WDR44: variants seen among roughly 807,000 people sequenced by gnomAD.
WDR44 encodes the protein WD repeat-containing protein 44.
WDR44 carries 9 observed loss-of-function variants against 65.7 expected under a neutral mutation model. That is an observed-to-expected ratio of 0.14 (90% CI 0.08 to 0.24). WDR44 has a LOEUF of 0.24. Among genes scored for constraint, WDR44 ranks in the 10% least tolerant of loss-of-function variants. The pLI, the probability that WDR44 is intolerant of heterozygous loss-of-function variation, is 1.00. For missense variants in WDR44, 425 were observed against 670.9 expected, an observed-to-expected ratio of 0.63 and a Z score of 4.05; for synonymous variants, 220 against 235.2, an observed-to-expected ratio of 0.94 and a Z score of 0.59.
At position 118,346,550 on chromosome X, in the gene WDR44, A is replaced by T. The variant is rs1321947190; in HGVS notation, c.47A>T (p.Asp16Val). The change falls in exon 1 of 20, where the codon GAT becomes GTT. Residue 16 changes from aspartate (D) to valine (V), a missense_variant. Transcript: ENST00000254029. The part of the protein sequence containing the change: ...DTEEFYDAPE[D>V]VHLGGGYPVG... ...GAGGAATTCTATGATGCCCCTGAAG[A>T]TGTGCACCTAGGGGGCGGCTACCCC... The T allele has an allele frequency of 8.3e-7, 1 of 1,199,805 alleles. No individual in the cohort carries two copies. Among genetic ancestry groups the T allele is most frequent in the South Asian group, 1.8e-5 (1 of 55,945 alleles).
chrX:118,364,925 A>G (rs2056540696), intron 1 of WDR44, among the ~76,000 whole-genome samples: 1 of 112,331 alleles, frequency 8.9e-6, no homozygotes, highest in East Asian at 2.8e-4. Flanking sequence ...ACATTTGAAA[A>G]CAACTACTTT....
At chrX:118,366,205 CGT>C (rs988966052) in intron 1 of WDR44, among the ~76,000 whole-genome samples, 1 of 111,813 alleles carries the variant, frequency 8.9e-6, no homozygotes, top group African/African-American at 3.2e-5. Context: ...ATTATAATAA[CGT>C]ATACTTATCC....
rs1182477305 is a variant in WDR44 at position 118,410,958 on chromosome X, G to C, written c.1736G>C (p.Gly579Ala). The C allele has an allele frequency of 8.5e-7, 1 of 1,181,447 alleles. No homozygotes were observed. The highest frequency in any genetic ancestry group is 1.1e-6 in the Non-Finnish European group (1 of 880,520). ...LSSSKSDTDTGVCSGTDEDPD... is the reference protein window; with the variant it reads ...LSSSKSDTDTAVCSGTDEDPD... ...TCATCAAAATCGGATACAGATACAG[G>C]GGTATGCTTATTGTTTTATGGTTAC... is the stretch of plus-strand genomic sequence containing the variant. The change falls in exon 12 of 20, where the codon GGG becomes GCG. Residue 579 changes from glycine (G) to alanine (A), a missense_variant and splice_region_variant. Gly to Ala is a moderately conservative substitution (Grantham distance 60). Transcript: ENST00000254029.
intron 1 of WDR44, among the ~76,000 whole-genome samples, chrX:118,370,036 A>G (rs2056600790): frequency 8.9e-6 from 1 of 112,030 alleles, no homozygotes; most frequent in Non-Finnish European, 1.9e-5. Flanking sequence ...CACTGTCTTC[A>G]ATTTCAGAAA....
chrX:118,357,051 T>C (rs1326340112), intron 1 of WDR44, among the ~76,000 whole-genome samples: 1 of 109,648 alleles, frequency 9.1e-6, no homozygotes, highest in African/African-American at 3.3e-5. Flanking sequence ...CGGGATGGTC[T>C]CAATCTCTTG....
chrX:118,435,445 A>ATT (rs57562182), intron 13 of WDR44, among the ~76,000 whole-genome samples: 6 of 107,205 alleles, frequency 5.6e-5, no homozygotes, highest in African/African-American at 1.7e-4. Context: ...CGCCCAGCTA[A>ATT]TTTTTTTTTT....
In WDR44 at chrX:118,440,852, A is replaced by G. The variant is rs752769403; in HGVS notation, c.1975-516A>G. 4.3e-3 allele frequency among the ~76,000 whole-genome samples: 453 copies of G among 104,570 alleles called. 1 individual carries two copies. Among genetic ancestry groups the G allele is most frequent in the South Asian group, 0.018 (43 of 2,441 alleles). The allele number at this position is 104,570 out of a possible 115,157, so 90.8% of individuals were successfully genotyped here. On this transcript the variant is annotated intron_variant, in intron 14 of 19. Coordinates refer to ENST00000254029, the MANE Select transcript of WDR44 (RefSeq NM_019045.5). ...TTAAGGATATGATAATTAGAATTTT[A>G]TTTCTCCAAAGTGAATAGTGAGGTT...
chrX:118,416,477 A>G lies in WDR44; in HGVS notation c.1737+5518A>G, dbSNP rs1052501939. ...TTCAGGAGCAGGTTATTTTATTTCCATGTATTTGCACGGTTTCGAAGGTTC... is the reference window on the plus strand; with the variant it reads ...TTCAGGAGCAGGTTATTTTATTTCCGTGTATTTGCACGGTTTCGAAGGTTC... On this transcript the variant is annotated intron_variant, in intron 12 of 19. Coordinates refer to ENST00000254029, the MANE Select transcript of WDR44 (RefSeq NM_019045.5). Among the ~76,000 whole-genome samples the G allele has an allele frequency of 5.4e-5, 6 of 111,557 alleles. No individual in the cohort carries two copies. The South Asian group carries it at 1.9e-3, about 35-fold the overall frequency.
chrX:118,357,329 T>C (rs938218045), intron 1 of WDR44, among the ~76,000 whole-genome samples: 1 of 111,943 alleles, frequency 8.9e-6, no homozygotes, highest in African/African-American at 3.2e-5. Flanking sequence ...CAGTCATTAG[T>C]TTACCATCAA....
intron 3 of WDR44, 130 bp from the exon 4 acceptor site, chrX:118,392,502 T>G (rs2056828516): frequency 1.8e-6 from 1 of 543,666 alleles, no homozygotes; most frequent in East Asian, 3.5e-5. Flanking sequence ...AAGGTTGTTG[T>G]AAAGATTAAA....
At position 118,379,148 on chromosome X, in the gene WDR44, C is replaced by A. The variant is rs7057605; in HGVS notation, c.111+696C>A. On this transcript the variant is annotated intron_variant, in intron 2 of 19. Coordinates refer to ENST00000254029, the MANE Select transcript of WDR44 (RefSeq NM_019045.5). ...ATGTACCATCACTATATATAAAAAT[C>A]AATCCCAGCTTATATTCAGGCAGAG... Among the ~76,000 whole-genome samples, 249 of 110,805 alleles carry A rather than the reference C, an allele frequency of 2.2e-3. 1 individual carries two copies. The highest frequency in any genetic ancestry group is 8.0e-3 in the African/African-American group (245 of 30,554).
intron 12 of WDR44, among the ~76,000 whole-genome samples, chrX:118,432,261 T>G (rs1240946864): frequency 1.8e-5 from 2 of 111,635 alleles, no homozygotes; most frequent in African/African-American, 6.5e-5. Flanking sequence ...TGCTACAGTC[T>G]TAGTTGTCAC....
rs2056731801 is a variant in WDR44, at chrX:118,382,816, A to G, written c.111+4364A>G. Among the ~76,000 whole-genome samples the G allele has an allele frequency of 2.7e-5, 3 of 112,229 alleles. No homozygotes were observed. In the Admixed American group the frequency reaches 2.8e-4, roughly 11 times the overall value. On this transcript the variant is annotated intron_variant, in intron 2 of 19. Coordinates refer to ENST00000254029, the MANE Select transcript of WDR44 (RefSeq NM_019045.5). ...CCTTTTAAGGAAGCAAATTTTTGAT[A>G]CCATGATAGATAGGAGTTAGAGAAA...
At chrX:118,393,767 TTACTG>T (rs757641441) in intron 4 of WDR44, among the ~76,000 whole-genome samples, 8 of 112,122 alleles carry the variant, frequency 7.1e-5, no homozygotes, top group Admixed American at 1.9e-4. Flanking sequence ...GAAAATTACT[TTACTG>T]TAATTGAACA....
chrX:118,384,122 C>T (rs933659930), intron 2 of WDR44, among the ~76,000 whole-genome samples: 5 of 109,399 alleles, frequency 4.6e-5, no homozygotes, highest in South Asian at 3.9e-4. Flanking sequence ...AGCCTGTGCC[C>T]GGCCTTCTTT....
At chrX:118,400,939 G>C (rs979629538) in intron 8 of WDR44, among the ~76,000 whole-genome samples, 7 of 91,991 alleles carry the variant, frequency 7.6e-5, no homozygotes, top group Non-Finnish European at 1.1e-4. Context: ...TTGTTCTTGC[G>C]ATAGTTTACT....
At chrX:118,364,644 A>C (rs1569357920) in intron 1 of WDR44, among the ~76,000 whole-genome samples, 1 of 112,228 alleles carries the variant, frequency 8.9e-6, no homozygotes. Flanking sequence ...AGACTCAACT[A>C]ATACAGCTCC....
At chrX:118,432,082 A>G in intron 12 of WDR44, among the ~76,000 whole-genome samples, 1 of 112,154 alleles carries the variant, frequency 8.9e-6, no homozygotes, top group Non-Finnish European at 1.9e-5. Context: ...GACTTCAAAT[A>G]ACAGAAATCC....
intron 1 of WDR44, among the ~76,000 whole-genome samples, chrX:118,349,386 A>G (rs757447581): frequency 9.3e-6 from 1 of 107,845 alleles, no homozygotes; most frequent in East Asian, 2.9e-4. Context: ...TGCTCAGCTA[A>G]AGGTTTTTTT....
Sources: gnomAD v4.1 joint callset for allele counts (sites outside exome capture counted in the v4.1 genomes callset) on GRCh38, gnomAD v4.1.1 for gene constraint, MANE v1.5 for transcripts, NCBI Gene and HGNC (gene_info 2026-07-23, HGNC 2026-07-21) for gene names.